GULP1: variants seen among roughly 807,000 people sequenced by gnomAD.
GULP1 encodes the protein GULP PTB domain containing engulfment adaptor 1, also known as PTB domain-containing engulfment adapter protein 1.
In GULP1, 19 loss-of-function variants were observed where a neutral mutation model predicts 40.9. The observed-to-expected ratio is 0.46, with a 90% CI of 0.32 to 0.68. GULP1 has a LOEUF of 0.68. Ranked by LOEUF, GULP1 falls within the 30% of genes least tolerant of loss-of-function variation. The probability of loss-of-function intolerance (pLI) is 0.03; values close to 1 mark genes in which losing one functional copy is unlikely to be tolerated. For synonymous variants in GULP1, 119 were observed against 117.6 expected (o/e 1.01, Z -0.08); for missense variants, 312 against 362.2 (o/e 0.86, Z 1.12).
intron 1 of GULP1, among the ~76,000 whole-genome samples, chr2:188,364,987 A>C (rs554681023): frequency 4.9e-4 from 75 of 151,776 alleles, no homozygotes; most frequent in African/African-American, 1.8e-3. Flanking sequence ...GACATCCACC[A>C]CTGGAGTGGT....
At chr2:188,504,306 T>G (rs2063707122) in intron 4 of GULP1, among the ~76,000 whole-genome samples, 1 of 151,916 alleles carries the variant, frequency 6.6e-6, no homozygotes, top group South Asian at 2.1e-4. Flanking sequence ...TTGGGACTTT[T>G]AAAAGCTTGG....
At chr2:188,319,433 A>G (rs1025641648) in intron 1 of GULP1, among the ~76,000 whole-genome samples, 1 of 152,182 alleles carries the variant, frequency 6.6e-6, no homozygotes, top group African/African-American at 2.4e-5. Flanking sequence ...AGATGGAATC[A>G]TAGTGTATAT....
intron 11 of GULP1, chr2:188,588,521 T>G (rs2153472491): frequency 6.5e-6 from 1 of 154,978 alleles, no homozygotes; most frequent in East Asian, 1.9e-4. Flanking sequence ...TTACAGAAAT[T>G]GGTTTTAAAT....
intron 7 of GULP1, among the ~76,000 whole-genome samples, chr2:188,551,505 T>C (rs1220370962): frequency 1.3e-5 from 2 of 151,802 alleles, no homozygotes; most frequent in African/African-American, 4.8e-5. Context: ...TATGATATCA[T>C]TACTTTTATG....
At chr2:188,441,154 A>G (rs6434280) in intron 2 of GULP1, among the ~76,000 whole-genome samples, 43,232 of 151,964 alleles carry the variant, frequency 0.28, 7,558 homozygotes, top group African/African-American at 0.5. Context: ...TAACATCTAT[A>G]TAGTGCTTTA....
At position 188,553,134 on chromosome 2, in the gene GULP1, G is replaced by A. The variant is rs564963897; in HGVS notation, c.399+11816G>A. The stretch of plus-strand genomic sequence containing the variant: ...GATATAAGATCATATCAGCAAAGAG[G>A]GATAATTTGACTTCCTGTTTTCCAA... On this transcript the variant is annotated intron_variant, in intron 7 of 11. Coordinates refer to ENST00000409830, the MANE Select transcript of GULP1 (RefSeq NM_016315.4). Among the ~76,000 whole-genome samples the A allele has an allele frequency of 4.6e-5, 7 of 151,796 alleles. No individual in the cohort carries two copies. The East Asian group carries it at 7.7e-4, about 17-fold the overall frequency.
intron 2 of GULP1, among the ~76,000 whole-genome samples, chr2:188,405,541 C>T (rs1424079219): frequency 6.6e-6 from 1 of 152,116 alleles, no homozygotes; most frequent in African/African-American, 2.4e-5. Context: ...GGCACAAGAC[C>T]CACTGCAGTG....
chr2:188,564,798 C>G (rs1190495805), intron 7 of GULP1, among the ~76,000 whole-genome samples: 2 of 151,860 alleles, frequency 1.3e-5, no homozygotes, highest in Admixed American at 6.6e-5. Flanking sequence ...GGCAAGCATA[C>G]CTGATGTCAG....
chr2:188,412,667 G>T (rs994864806), intron 2 of GULP1, among the ~76,000 whole-genome samples: 7 of 152,118 alleles, frequency 4.6e-5, no homozygotes, highest in African/African-American at 1.7e-4. Flanking sequence ...TCCCTTGAGA[G>T]CACTCCGTAT....
At chr2:188,364,873 T>C (rs1022083587) in intron 1 of GULP1, among the ~76,000 whole-genome samples, 27 of 149,542 alleles carry the variant, frequency 1.8e-4, no homozygotes, top group Non-Finnish European at 2.4e-4. Context: ...CACACACATA[T>C]ACACACACAC....
intron 1 of GULP1, among the ~76,000 whole-genome samples, chr2:188,361,047 G>A (rs1489484279): frequency 2.6e-5 from 4 of 152,034 alleles, no homozygotes; most frequent in Non-Finnish European, 4.4e-5. Flanking sequence ...TCACTGCATT[G>A]CGTAATATTG....
intron 4 of GULP1, among the ~76,000 whole-genome samples, chr2:188,490,961 G>A (rs909916595): frequency 3.3e-5 from 5 of 151,886 alleles, no homozygotes; most frequent in East Asian, 2.0e-4. Context: ...GCACCACCAT[G>A]CCTGGCTAAT....
chr2:188,488,509 C>G (rs2062057060), intron 4 of GULP1, among the ~76,000 whole-genome samples: 1 of 151,970 alleles, frequency 6.6e-6, no homozygotes. Flanking sequence ...AGTGTTCTGT[C>G]AACTCTGGAG....
chr2:188,493,703 GA>G (rs1475719978), intron 4 of GULP1, among the ~76,000 whole-genome samples: 1 of 152,034 alleles, frequency 6.6e-6, no homozygotes, highest in Admixed American at 6.6e-5. Flanking sequence ...ACACCACTAA[GA>G]ACTGTTGGTT....
intron 7 of GULP1, among the ~76,000 whole-genome samples, chr2:188,545,825 C>T (rs72896851): frequency 0.012 from 1,806 of 151,834 alleles, 15 homozygotes; most frequent in East Asian, 0.02. Flanking sequence ...ATATCATCTA[C>T]AAGATGTTCA....
Position 188,529,108 on chromosome 2 carries a change from T to C in GULP1, c.174T>C (p.His58=), listed in dbSNP as rs770681915. ...DAVRKLKFAR[H]IKKSEGQKIP... is the part of the protein sequence containing the mutation. ...TTTTTCATTCGTAGTTTGCAAGACA[T>C]ATCAAGAAATCTGAAGGCCAGAAAA... The change falls in exon 6 of 12, where the codon CAT becomes CAC. Residue 58 remains histidine, a synonymous_variant. Coordinates refer to ENST00000409830, the MANE Select transcript of GULP1 (RefSeq NM_016315.4). 2 of 1,494,682 alleles carry C rather than the reference T, an allele frequency of 1.3e-6. No individual in the cohort carries two copies. Among genetic ancestry groups the C allele is most frequent in the East Asian group, 2.3e-5 (1 of 43,866 alleles). 92.6% of individuals were successfully genotyped at this position (1,494,682 alleles called of 1,614,324 possible).
chr2:188,299,517 C>G (rs1280684148), intron 1 of GULP1, among the ~76,000 whole-genome samples: 1 of 152,194 alleles, frequency 6.6e-6, no homozygotes, highest in East Asian at 1.9e-4. Context: ...TCTTTCCCCC[C>G]TTCTCATTCT....
At chr2:188,481,998 C>T (rs1157307135) in intron 3 of GULP1, among the ~76,000 whole-genome samples, 3 of 151,606 alleles carry the variant, frequency 2.0e-5, no homozygotes, top group Non-Finnish European at 4.4e-5. Context: ...ATAGAAAATA[C>T]AAATTTCACA....
intron 1 of GULP1, among the ~76,000 whole-genome samples, chr2:188,375,887 C>T (rs752729980): frequency 1.3e-5 from 2 of 152,018 alleles, no homozygotes; most frequent in South Asian, 2.1e-4. Flanking sequence ...CCCCTGTATC[C>T]TCAGGGGATT....
Sources: gnomAD v4.1 joint callset for allele counts (sites outside exome capture counted in the v4.1 genomes callset) on GRCh38, gnomAD v4.1.1 for gene constraint, MANE v1.5 for transcripts, NCBI Gene and HGNC (gene_info 2026-07-23, HGNC 2026-07-21) for gene names.